Variants in KCNJ6 observed in about 807,000 individuals in gnomAD.
KCNJ6 encodes potassium inwardly rectifying channel subfamily J member 6, also known as G protein-activated inward rectifier potassium channel 2.
Under a neutral mutation model 34.2 loss-of-function variants are expected in KCNJ6, and 9 were observed. The ratio of observed to expected loss-of-function variants is 0.26; its 90% confidence interval spans 0.16 to 0.46. The LOEUF is 0.46. Ranked by LOEUF, KCNJ6 falls within the 20% of genes least tolerant of loss-of-function variation. The probability of loss-of-function intolerance (pLI) is 1.00; values close to 1 mark genes in which losing one functional copy is unlikely to be tolerated. For synonymous variants in KCNJ6, 196 were observed against 207.1 expected, an observed-to-expected ratio of 0.95 and a Z score of 0.46; for missense variants, 236 against 531.3, an observed-to-expected ratio of 0.44 and a Z score of 5.46.
At chr21:37,736,595 G>A (rs1000484002) in intron 2 of KCNJ6, among the ~76,000 whole-genome samples, 21 of 152,190 alleles carry the variant, frequency 1.4e-4, no homozygotes, top group African/African-American at 5.1e-4. Context: ...TGAGAACCAG[G>A]GGTGTGCAGG....
intron 3 of KCNJ6, among the ~76,000 whole-genome samples, chr21:37,644,688 C>T (rs1475149032): frequency 2.0e-5 from 3 of 152,178 alleles, no homozygotes; most frequent in Non-Finnish European, 1.5e-5. Context: ...ACTTTTATTG[C>T]CTTTTCATAA....
intron 1 of KCNJ6, among the ~76,000 whole-genome samples, chr21:37,856,142 G>A (rs577328099): frequency 1.3e-5 from 2 of 152,180 alleles, no homozygotes; most frequent in Non-Finnish European, 2.9e-5. Flanking sequence ...GGAGGGAAGA[G>A]GTCCAAACAT....
chr21:37,869,506 T>G (rs78798993), intron 1 of KCNJ6, among the ~76,000 whole-genome samples: 2,110 of 152,378 alleles, frequency 0.014, 26 homozygotes, highest in Non-Finnish European at 0.021. Flanking sequence ...TAGGAACATT[T>G]GCCTCGGGCT....
At chr21:37,904,846 T>C (rs1393379894) in intron 1 of KCNJ6, among the ~76,000 whole-genome samples, 1 of 152,092 alleles carries the variant, frequency 6.6e-6, no homozygotes, top group African/African-American at 2.4e-5. Flanking sequence ...GGTCTCATCA[T>C]ATTCAGGATG....
At chr21:37,707,711 T>TAGTGTGTGTGTGTGTGTGGGG (rs1569449122) in intron 3 of KCNJ6, among the ~76,000 whole-genome samples, 1 of 32,978 alleles carries the variant, frequency 3.0e-5, no homozygotes, top group African/African-American at 1.8e-4. Context: ...CTTAGCTGTT[T>TAGTGTGTGTGTGTGTGTGGGG]AGTATCTGTG....
At chr21:37,817,406 T>C (rs1343476119) in intron 2 of KCNJ6, among the ~76,000 whole-genome samples, 1 of 152,186 alleles carries the variant, frequency 6.6e-6, no homozygotes, top group Non-Finnish European at 1.5e-5. Context: ...CCCTGATGCA[T>C]ACTAAGTGCT....
intron 1 of KCNJ6, among the ~76,000 whole-genome samples, chr21:37,873,440 G>C (rs1322597077): frequency 2.0e-5 from 3 of 152,138 alleles, no homozygotes; most frequent in Non-Finnish European, 4.4e-5. Context: ...GGGATAACTG[G>C]ATTGAGGCCA....
chr21:37,879,132 T>C (rs2055693718), intron 1 of KCNJ6, among the ~76,000 whole-genome samples: 1 of 152,162 alleles, frequency 6.6e-6, no homozygotes. Flanking sequence ...CCAAGTACAG[T>C]AGTGAGCTGA....
rs2054255446 is a variant in KCNJ6, at chr21:37,614,493, CGTGTA to C, written c.*10661_*10665del. ...GTGTGTGTATGCATGTGTCTGTGTGCGTGTATGCATGTGTCTCTGTATGCATGTGT... is the reference window on the plus strand; with the variant it reads ...GTGTGTGTATGCATGTGTCTGTGTGCTGCATGTGTCTCTGTATGCATGTGT... On this transcript the variant is annotated 3_prime_UTR_variant, in exon 4 of 4. Coordinates refer to ENST00000609713, the MANE Select transcript of KCNJ6 (RefSeq NM_002240.5). The C allele has an allele frequency of 3.7e-5, 2 of 54,632 alleles. No individual in the cohort carries two copies. The highest frequency in any genetic ancestry group is 5.3e-4 in the East Asian group (1 of 1,878). 3.4% of individuals were successfully genotyped at this position (54,632 alleles called of 1,614,324 possible).
At chr21:37,659,265 A>G (rs935641016) in intron 3 of KCNJ6, among the ~76,000 whole-genome samples, 5 of 152,172 alleles carry the variant, frequency 3.3e-5, no homozygotes, top group African/African-American at 7.2e-5. Flanking sequence ...GTGAGGCTGC[A>G]TTCCTGACCA....
At position 37,714,489 on chromosome 21, in the gene KCNJ6, C is replaced by T; in HGVS notation, c.668G>A (p.Arg223Gln). 3.1e-6 allele frequency: 5 copies of T among 1,614,122 alleles called. No homozygotes were observed. The highest frequency in any genetic ancestry group is 4.2e-6 in the Non-Finnish European group (5 of 1,180,014). ...GTGGGAATTCCTAAGGTCCCCTACC[C>T]GGAACATCAGGCACAGTTTCCCATC... ...MRDGKLCLMFRVGDLRNSHIV... is the reference protein window; with the variant it reads ...MRDGKLCLMFQVGDLRNSHIV... Residue 223 changes from arginine (R) to glutamine (Q), a missense_variant, in exon 3 of 4, where the codon CGG becomes CAG. Physicochemically the swap from Arg to Gln is conservative, Grantham distance 43. Coordinates refer to ENST00000609713, the MANE Select transcript of KCNJ6 (RefSeq NM_002240.5). The surrounding 1 kb of genome is among the most constrained non-coding windows in gnomAD (Gnocchi z 5.9).
At chr21:37,700,295 G>C (rs2054684216) in intron 3 of KCNJ6, among the ~76,000 whole-genome samples, 1 of 152,178 alleles carries the variant, frequency 6.6e-6, no homozygotes. Flanking sequence ...AAAGGTAATG[G>C]AAAAGGGTAT....
At chr21:37,899,455 C>T (rs887667487) in intron 1 of KCNJ6, among the ~76,000 whole-genome samples, 1 of 152,180 alleles carries the variant, frequency 6.6e-6, no homozygotes, top group Non-Finnish European at 1.5e-5. Flanking sequence ...CTCTCTTTCT[C>T]CAGCTCTCTT....
intron 3 of KCNJ6, among the ~76,000 whole-genome samples, chr21:37,673,206 G>T (rs2054549870): frequency 1.3e-5 from 2 of 152,378 alleles, no homozygotes; most frequent in African/African-American, 2.4e-5. Flanking sequence ...GAGGAAGAGG[G>T]TTGGGACCTG....
intron 2 of KCNJ6, among the ~76,000 whole-genome samples, chr21:37,826,906 C>T (rs1293359524): frequency 6.6e-6 from 1 of 152,084 alleles, no homozygotes; most frequent in Admixed American, 6.5e-5. Flanking sequence ...GTCCTTTTCA[C>T]GTCTTACTGA....
At chr21:37,877,703 T>A (rs1428541483) in intron 1 of KCNJ6, among the ~76,000 whole-genome samples, 1 of 152,200 alleles carries the variant, frequency 6.6e-6, no homozygotes, top group Non-Finnish European at 1.5e-5. Context: ...TACAGTCGGA[T>A]CGGCCACAGG....
intron 2 of KCNJ6, among the ~76,000 whole-genome samples, chr21:37,725,073 G>GAC: frequency 6.6e-6 from 1 of 151,636 alleles, no homozygotes; most frequent in Non-Finnish European, 1.5e-5. Flanking sequence ...TTTACAACAC[G>GAC]ACACATATAT....
At chr21:37,699,384 A>G (rs747718840) in intron 3 of KCNJ6, among the ~76,000 whole-genome samples, 2 of 152,126 alleles carry the variant, frequency 1.3e-5, no homozygotes, top group Admixed American at 6.5e-5. Flanking sequence ...CTCCTCCTCT[A>G]TTACTGCAGG....
chr21:37,773,120 C>T (rs1329729149), intron 2 of KCNJ6, among the ~76,000 whole-genome samples: 1 of 152,130 alleles, frequency 6.6e-6, no homozygotes, highest in South Asian at 2.1e-4. Context: ...ACAGTAGGTG[C>T]TAAATAACTG....
Sources: gnomAD v4.1 joint callset for allele counts (sites outside exome capture counted in the v4.1 genomes callset) on GRCh38, gnomAD v4.1.1 for gene constraint, Gnocchi (gnomAD v3.1) non-coding constraint, MANE v1.5 for transcripts, NCBI Gene and HGNC (gene_info 2026-07-23, HGNC 2026-07-21) for gene names.